NIBAN1: variants seen among roughly 807,000 people sequenced by gnomAD.
The protein encoded by NIBAN1 is protein Niban 1.
In NIBAN1, 81 loss-of-function variants were observed where a neutral mutation model predicts 75.1. The observed-to-expected ratio is 1.08, with a 90% CI of 0.90 to 1.30. The LOEUF is 1.30. NIBAN1 is among the 50% of genes most tolerant of loss of function. NIBAN1 has a pLI of 0.00. For missense variants in NIBAN1, 1,133 were observed against 1,128.1 expected, an observed-to-expected ratio of 1.00 and a Z score of -0.06; for synonymous variants, 436 against 424.8, an observed-to-expected ratio of 1.03 and a Z score of -0.32.
intron 5 of NIBAN1, among the ~76,000 whole-genome samples, chr1:184,876,185 A>G (rs1571539249): frequency 6.6e-6 from 1 of 152,034 alleles, no homozygotes; most frequent in Non-Finnish European, 1.5e-5. Flanking sequence ...AGAAAAAAAA[A>G]AAAAGAAAAG....
At chr1:184,817,728 C>G (rs1654578445) in intron 9 of NIBAN1, among the ~76,000 whole-genome samples, 1 of 152,194 alleles carries the variant, frequency 6.6e-6, no homozygotes, top group South Asian at 2.1e-4. Context: ...TTAATGCAAA[C>G]TAACTATGGC....
chr1:184,892,930 C>G (rs1325557160), intron 3 of NIBAN1, among the ~76,000 whole-genome samples: 2 of 152,096 alleles, frequency 1.3e-5, no homozygotes, highest in Non-Finnish European at 2.9e-5. Flanking sequence ...CACCAGCATG[C>G]CCAGCTAATT....
chr1:184,868,910 C>A lies in NIBAN1; in HGVS notation c.601+15723G>T, dbSNP rs148148922. 1.9e-3 allele frequency among the ~76,000 whole-genome samples: 287 copies of A among 152,188 alleles called. 1 individual carries two copies. Among genetic ancestry groups the A allele is most frequent in the African/African-American group, 6.7e-3 (277 of 41,514 alleles). Reference sequence around the variant, plus strand: ...GTCTTACCAGCTGCCCCAGAACCCTCGTCTATAAAATGGGCATGATGACAA... The same window carrying A: ...GTCTTACCAGCTGCCCCAGAACCCTAGTCTATAAAATGGGCATGATGACAA... On this transcript the variant is annotated intron_variant, in intron 5 of 13. Coordinates refer to ENST00000367511, the MANE Select transcript of NIBAN1 (RefSeq NM_052966.4).
intron 5 of NIBAN1, among the ~76,000 whole-genome samples, chr1:184,833,663 T>C (rs961200662): frequency 6.6e-6 from 1 of 151,710 alleles, no homozygotes; most frequent in Admixed American, 6.6e-5. Flanking sequence ...AACTGCACAA[T>C]TGCACCCTAT....
At chr1:184,900,779 C>G (rs1386142728) in intron 1 of NIBAN1, among the ~76,000 whole-genome samples, 1 of 152,172 alleles carries the variant, frequency 6.6e-6, no homozygotes, top group Non-Finnish European at 1.5e-5. Flanking sequence ...CAGAAAGAAA[C>G]ACAGGCTTCA....
intron 5 of NIBAN1, chr1:184,867,748 G>T: frequency 2.0e-6 from 1 of 494,934 alleles, no homozygotes; most frequent in Non-Finnish European, 2.6e-6. Flanking sequence ...ACTCTCCTCT[G>T]TTAACTGAGT....
chr1:184,911,899 C>T (rs112188012), intron 1 of NIBAN1, among the ~76,000 whole-genome samples: 85 of 152,242 alleles, frequency 5.6e-4, no homozygotes, highest in African/African-American at 2.0e-3. Flanking sequence ...AATGGTGATA[C>T]TATGCCACAT....
At position 184,823,329 on chromosome 1, in the gene NIBAN1, G is replaced by A. The variant is rs1654755599; in HGVS notation, c.823C>T (p.Leu275Phe). The change falls in exon 8 of 14, where the codon CTC becomes TTC. Residue 275 changes from leucine (L) to phenylalanine (F), a missense_variant and splice_region_variant. Physicochemically the swap from Leu to Phe is conservative, Grantham distance 22 (BLOSUM62 0). Coordinates refer to ENST00000367511, the MANE Select transcript of NIBAN1 (RefSeq NM_052966.4). ...KNDRKRTWLGLLEEAYTLVQH... is the reference protein window; with the variant it reads ...KNDRKRTWLGFLEEAYTLVQH... ...ACCAGGGTGTAGGCCTCCTCGAGGAGCTGCAACAAGGAATAACACATAAAT... is the reference window on the plus strand; with the variant it reads ...ACCAGGGTGTAGGCCTCCTCGAGGAACTGCAACAAGGAATAACACATAAAT... 1.9e-6 allele frequency: 3 copies of A among 1,613,852 alleles called. No individual in the cohort carries two copies. The highest frequency in any genetic ancestry group is 1.7e-5 in the Admixed American group (1 of 59,978).
chr1:184,794,557 A>C lies in NIBAN1; in HGVS notation c.*420T>G, dbSNP rs1653784227. On this transcript the variant is annotated 3_prime_UTR_variant, in exon 14 of 14. Coordinates refer to ENST00000367511, the MANE Select transcript of NIBAN1 (RefSeq NM_052966.4). Reference sequence around the variant, plus strand: ...GTGAAGTAGGCATAGTAGATAGTAAAGGTAGACTTACAGTATACATTTGCA... The same window carrying C: ...GTGAAGTAGGCATAGTAGATAGTAACGGTAGACTTACAGTATACATTTGCA... The C allele has an allele frequency of 1.3e-5, 4 of 298,606 alleles. No individual in the cohort carries two copies. Among genetic ancestry groups the C allele is most frequent in the Admixed American group, 9.9e-5 (2 of 20,228 alleles). The allele number at this position is 298,606 out of a possible 1,614,324, so 18.5% of individuals were successfully genotyped here.
intron 5 of NIBAN1, among the ~76,000 whole-genome samples, chr1:184,840,461 C>T (rs1158327071): frequency 6.6e-6 from 1 of 151,958 alleles, no homozygotes; most frequent in African/African-American, 2.4e-5. Flanking sequence ...AATATAAGAA[C>T]TCACCCTGAG....
At chr1:184,867,839 T>C in intron 5 of NIBAN1, 1 of 984,936 alleles carries the variant, frequency 1.0e-6, no homozygotes, top group Non-Finnish European at 1.2e-6. Context: ...TCTAAGACAA[T>C]GTTCTGGACA....
At chr1:184,965,816 TA>T (rs941717013) in intron 1 of NIBAN1, among the ~76,000 whole-genome samples, 2 of 151,752 alleles carry the variant, frequency 1.3e-5, no homozygotes, top group East Asian at 1.9e-4. Context: ...AAATAAAAGT[TA>T]AAAAAAAGGA....
At chr1:184,884,447 G>A (rs1041320094) in intron 5 of NIBAN1, among the ~76,000 whole-genome samples, 186 bp downstream of exon 5, 9 of 151,918 alleles carry the variant, frequency 5.9e-5, no homozygotes, top group Admixed American at 5.3e-4. Flanking sequence ...GGCTGGTCTC[G>A]AACTCCTGAC....
rs1397047943 is a variant in NIBAN1, at chr1:184,960,943, T to C, written c.55+13359A>G. 5.9e-5 allele frequency among the ~76,000 whole-genome samples: 9 copies of C among 151,446 alleles called. No homozygotes were observed. The East Asian group carries it at 1.8e-3, about 30-fold the overall frequency. On this transcript the variant is annotated intron_variant, in intron 1 of 13. Transcript: ENST00000367511. The stretch of plus-strand genomic sequence containing the variant: ...CCACGCTCAGCCAGGCAACAAAATA[T>C]TAATAGGCATCCCCTCCCATCAAAC...
intron 4 of NIBAN1, among the ~76,000 whole-genome samples, chr1:184,888,616 A>T (rs1656591768): frequency 6.6e-6 from 1 of 152,212 alleles, no homozygotes; most frequent in South Asian, 2.1e-4. Context: ...AGTCATTAAA[A>T]TGCCCCAATC....
At chr1:184,906,304 C>T (rs898210136) in intron 1 of NIBAN1, among the ~76,000 whole-genome samples, 8 of 151,880 alleles carry the variant, frequency 5.3e-5, no homozygotes, top group Non-Finnish European at 8.8e-5. Context: ...CACACACACA[C>T]ATTTGAAATT....
At chr1:184,892,737 T>C (rs1656700102) in intron 3 of NIBAN1, among the ~76,000 whole-genome samples, 1 of 152,122 alleles carries the variant, frequency 6.6e-6, no homozygotes, top group African/African-American at 2.4e-5. Flanking sequence ...TCAGGTGTAG[T>C]CCTCACAGTG....
chr1:184,805,956 C>T lies in NIBAN1; in HGVS notation c.1436G>A (p.Arg479Gln), dbSNP rs371316368. 184 of 1,613,438 alleles carry T rather than the reference C, an allele frequency of 1.1e-4. No individual in the cohort carries two copies. The highest frequency in any genetic ancestry group is 1.4e-4 in the Non-Finnish European group (165 of 1,179,456). The change falls in exon 11 of 14, where the codon CGA becomes CAA. Residue 479 changes from arginine to glutamine, a missense_variant. Coordinates refer to ENST00000367511, the MANE Select transcript of NIBAN1 (RefSeq NM_052966.4). ...TAVAIEKVKL[R>Q]VLKQYDYDSS... ...AGAGAACGGTTTTACCTTTAAGACTCGGAGTTTAACCTTCTCAATGGCAAC... is the reference window on the plus strand; with the variant it reads ...AGAGAACGGTTTTACCTTTAAGACTTGGAGTTTAACCTTCTCAATGGCAAC...
chr1:184,906,763 C>A (rs966468485), intron 1 of NIBAN1, among the ~76,000 whole-genome samples: 1 of 152,182 alleles, frequency 6.6e-6, no homozygotes, highest in African/African-American at 2.4e-5. Flanking sequence ...CTTGGCTTAT[C>A]TGTTTTCCTT....
Sources: gnomAD v4.1 joint callset for allele counts (sites outside exome capture counted in the v4.1 genomes callset) on GRCh38, gnomAD v4.1.1 for gene constraint, MANE v1.5 for transcripts, NCBI Gene and HGNC (gene_info 2026-07-23, HGNC 2026-07-21) for gene names.